CMTM4: variants seen among roughly 807,000 people sequenced by gnomAD.
CMTM4 encodes the protein CKLF-like MARVEL transmembrane domain-containing protein 4.
CMTM4 carries 8 observed loss-of-function variants against 19.0 expected under a neutral mutation model. The observed-to-expected ratio is 0.42, with a 90% CI of 0.25 to 0.76. CMTM4 has a LOEUF of 0.76. CMTM4 is among the 30% of genes least tolerant of loss of function. The probability of loss-of-function intolerance (pLI) is 0.27; values close to 1 mark genes in which losing one functional copy is unlikely to be tolerated. For missense variants in CMTM4, 228 were observed against 290.2 expected (o/e 0.79, Z 1.56); for synonymous variants, 106 against 121.1 (o/e 0.88, Z 0.82).
chr16:66,696,578 G>T lies in CMTM4; in HGVS notation c.-53C>A. The T allele has an allele frequency of 2.6e-5, 28 of 1,097,142 alleles. No individual in the cohort carries two copies. Among genetic ancestry groups the T allele is most frequent in the Non-Finnish European group, 3.1e-5 (28 of 895,738 alleles). The allele number at this position is 1,097,142 out of a possible 1,614,324, so 68.0% of individuals were successfully genotyped here. ...GCGGCTGGCTCCCGGCGCCAGGAGCGGGCGGACTCAGCGGGGCCGCCGCAT... is the reference window on the plus strand; with the variant it reads ...GCGGCTGGCTCCCGGCGCCAGGAGCTGGCGGACTCAGCGGGGCCGCCGCAT... On this transcript the variant is annotated 5_prime_UTR_variant, in exon 1 of 4. Coordinates refer to ENST00000394106, the MANE Select transcript of CMTM4 (RefSeq NM_181521.3). This position sits in a 1 kb window ranked among gnomAD's most constrained non-coding sequence, Gnocchi z 4.3.
chr16:66,637,563 T>G (rs997637085), intron 1 of CMTM4, among the ~76,000 whole-genome samples: 2 of 152,078 alleles, frequency 1.3e-5, no homozygotes, highest in African/African-American at 4.8e-5. Context: ...AGAATAAATT[T>G]TTTTCTGAAG....
chr16:66,630,783 T>G (rs1244721993), intron 2 of CMTM4, among the ~76,000 whole-genome samples: 1 of 151,702 alleles, frequency 6.6e-6, no homozygotes. Flanking sequence ...GAGGAGCCCC[T>G]CTGCCTGGCT....
chr16:66,691,526 C>A (rs1208270105), intron 1 of CMTM4, among the ~76,000 whole-genome samples: 1 of 152,094 alleles, frequency 6.6e-6, no homozygotes, highest in Non-Finnish European at 1.5e-5. Flanking sequence ...CACAGGGAGA[C>A]CCTATCTCTA....
the CMTM4 span, among the ~76,000 whole-genome samples, chr16:66,600,150 T>G: frequency 6.7e-6 from 1 of 148,158 alleles, no homozygotes; most frequent in Non-Finnish European, 1.5e-5. Context: ...TTTTTTGTTT[T>G]TTTTTTTTTT....
At chr16:66,609,468 T>A in the CMTM4 span, 1 of 1,612,892 alleles carries the variant, frequency 6.2e-7, no homozygotes, top group East Asian at 2.2e-5. This position sits in a 1 kb window ranked among gnomAD's most constrained non-coding sequence, Gnocchi z 4.4. Context: ...GGCCCTCATC[T>A]ACTTTGCTAT....
Position 66,618,325 on chromosome 16 carries a change from GCA to G in CMTM4, c.*3731_*3732del, listed in dbSNP as rs969498584. On this transcript the variant is annotated 3_prime_UTR_variant, in exon 4 of 4. Coordinates refer to ENST00000394106, the MANE Select transcript of CMTM4 (RefSeq NM_181521.3). The stretch of plus-strand genomic sequence containing the variant: ...TGGAGAAGATGACAGTCAGGCAGTG[GCA>G]CAAAGACTTCATGACTGTTTTGTTT... 14 of 985,242 alleles carry G rather than the reference GCA, an allele frequency of 1.4e-5. No homozygotes were observed. The African/African-American group carries it at 2.4e-4, about 17-fold the overall frequency. The allele number at this position is 985,242 out of a possible 1,614,324, so 61.0% of individuals were successfully genotyped here.
chr16:66,672,319 C>G (rs532926066), intron 1 of CMTM4, among the ~76,000 whole-genome samples: 28 of 149,360 alleles, frequency 1.9e-4, no homozygotes, highest in Non-Finnish European at 3.7e-4. Context: ...GCAGGAGAAT[C>G]ACTTGAACCC....
In CMTM4 at chr16:66,696,598, C is replaced by T. The variant is rs2017242731; in HGVS notation, c.-73G>A. On this transcript the variant is annotated 5_prime_UTR_variant, in exon 1 of 4. Coordinates refer to ENST00000394106, the MANE Select transcript of CMTM4 (RefSeq NM_181521.3). This position sits in a 1 kb window ranked among gnomAD's most constrained non-coding sequence, Gnocchi z 4.3. The stretch of plus-strand genomic sequence containing the variant: ...GGAGCGGGCGGACTCAGCGGGGCCG[C>T]CGCATCGCCGCCGCCGCCGCCGCCG... 1 of 916,196 alleles carries T rather than the reference C, an allele frequency of 1.1e-6. No individual in the cohort carries two copies. Among genetic ancestry groups the T allele is most frequent in the South Asian group, 4.9e-5 (1 of 20,272 alleles). The allele number at this position is 916,196 out of a possible 1,614,324, so 56.8% of individuals were successfully genotyped here.
the CMTM4 span, among the ~76,000 whole-genome samples, chr16:66,600,103 G>A: frequency 6.7e-6 from 1 of 148,780 alleles, no homozygotes; most frequent in East Asian, 2.0e-4. Context: ...GCAGTTCACA[G>A]CCATCCTTTT....
At chr16:66,653,673 A>G (rs1038892437) in intron 1 of CMTM4, among the ~76,000 whole-genome samples, 2 of 152,220 alleles carry the variant, frequency 1.3e-5, no homozygotes, top group African/African-American at 4.8e-5. Flanking sequence ...GGGCACTTCT[A>G]TAAGCATTCT....
intron 1 of CMTM4, among the ~76,000 whole-genome samples, chr16:66,674,995 G>T (rs569005655): frequency 1.5e-4 from 23 of 150,868 alleles, no homozygotes; most frequent in Non-Finnish European, 2.5e-4. Flanking sequence ...CACCCGCCTC[G>T]GCCTCCCAAA....
chr16:66,605,751 G>A, the CMTM4 span, among the ~76,000 whole-genome samples: 1 of 152,334 alleles, frequency 6.6e-6, no homozygotes, highest in South Asian at 2.1e-4. The surrounding 1 kb of genome is among the most constrained non-coding windows in gnomAD (Gnocchi z 4.6). Flanking sequence ...TTTGACAGGT[G>A]GCTCAACTGA....
the CMTM4 span, chr16:66,604,824 G>A: frequency 2.3e-6 from 3 of 1,304,702 alleles, no homozygotes; most frequent in African/African-American, 3.1e-5. Context: ...CCCAGACCCC[G>A]ACCCCGACCC....
At chr16:66,641,305 A>ATTAC (rs1480734476) in intron 1 of CMTM4, among the ~76,000 whole-genome samples, 9 of 152,192 alleles carry the variant, frequency 5.9e-5, no homozygotes, top group Non-Finnish European at 1.2e-4. Flanking sequence ...AAGCACTGGG[A>ATTAC]TTACTGGTCT....
intron 1 of CMTM4, among the ~76,000 whole-genome samples, chr16:66,658,099 A>G (rs183064): frequency 0.1 from 15,268 of 152,134 alleles, 1,049 homozygotes; most frequent in East Asian, 0.27. Context: ...ACGTTGTGAT[A>G]CATGCCTGTA....
the CMTM4 span, chr16:66,604,686 T>C: frequency 1.3e-6 from 1 of 761,812 alleles, no homozygotes; most frequent in Non-Finnish European, 1.8e-6. Context: ...CGGCGGGGGA[T>C]GCGCCCCTGC....
chr16:66,621,851 C>T lies in CMTM4; in HGVS notation c.*207G>A, dbSNP rs1026956325. On this transcript the variant is annotated 3_prime_UTR_variant, in exon 4 of 4. Coordinates refer to ENST00000394106, the MANE Select transcript of CMTM4 (RefSeq NM_181521.3). ...CTGGGCAGTGACGCCGGCTGCTCCA[C>T]AGCCCCAAACGCTGAGGAACGTGGG... 1.4e-6 allele frequency: 2 copies of T among 1,403,718 alleles called. No homozygotes were observed. Among genetic ancestry groups the T allele is most frequent in the East Asian group, 2.6e-5 (1 of 38,638 alleles). 87.0% of individuals were successfully genotyped at this position (1,403,718 alleles called of 1,614,324 possible). A position where few individuals can be genotyped will look rare whatever the true frequency, so the allele number is the denominator to read the frequency against.
At chr16:66,677,434 A>G (rs984019735) in intron 1 of CMTM4, among the ~76,000 whole-genome samples, 2 of 152,240 alleles carry the variant, frequency 1.3e-5, no homozygotes, top group Non-Finnish European at 2.9e-5. Context: ...TGTGGGGAAC[A>G]AGAGCTTCCA....
chr16:66,647,353 A>C (rs535882040), intron 1 of CMTM4, among the ~76,000 whole-genome samples: 160 of 151,672 alleles, frequency 1.1e-3, no homozygotes, highest in Middle Eastern at 3.4e-3. Flanking sequence ...AGTCCTTTTA[A>C]AAAGTACACA....
Sources: allele counts gnomAD v4.1 joint callset (sites outside exome capture counted in the v4.1 genomes callset), GRCh38; gene constraint gnomAD v4.1.1; non-coding constraint Gnocchi (gnomAD v3.1); transcripts MANE v1.5; gene names NCBI Gene and HGNC (gene_info 2026-07-23, HGNC 2026-07-21).